MAGI3: variants seen among roughly 807,000 people sequenced by gnomAD.
The protein encoded by MAGI3 is membrane associated guanylate kinase, WW and PDZ domain containing 3, also known as membrane-associated guanylate kinase, WW and PDZ domain-containing protein 3.
Under a neutral mutation model 121.8 loss-of-function variants are expected in MAGI3, and 43 were observed. The ratio of observed to expected loss-of-function variants is 0.35; its 90% confidence interval spans 0.28 to 0.46. MAGI3 has a LOEUF of 0.46. Among genes scored for constraint, MAGI3 ranks in the 20% least tolerant of loss-of-function variants. The probability of loss-of-function intolerance (pLI) is 1.00; values close to 1 mark genes in which losing one functional copy is unlikely to be tolerated. For synonymous variants in MAGI3, 553 were observed against 639.3 expected (o/e 0.86, Z 2.04); for missense variants, 1,547 against 1,797.3 (o/e 0.86, Z 2.52).
At chr1:113,432,439 A>G (rs1377297002) in intron 1 of MAGI3, among the ~76,000 whole-genome samples, 1 of 152,156 alleles carries the variant, frequency 6.6e-6, no homozygotes, top group East Asian at 1.9e-4. Context: ...ACTATGCTAT[A>G]CTTTTTCACT....
At chr1:113,522,983 T>G (rs1658275419) in intron 1 of MAGI3, among the ~76,000 whole-genome samples, 1 of 152,206 alleles carries the variant, frequency 6.6e-6, no homozygotes, top group Non-Finnish European at 1.5e-5. Flanking sequence ...ATGTAACTAC[T>G]ACAATTCCCA....
rs758457681 is a variant in MAGI3 at position 113,683,093 on chromosome 1, T to C, written c.3525T>C (p.Asn1175=). The change falls in exon 21 of 21, where the codon AAT becomes AAC. Residue 1175 remains asparagine, a synonymous_variant. Transcript: ENST00000307546. The stretch of plus-strand genomic sequence containing the variant: ...TGCCTGAAAAGAAAAGCACTTTAAA[T>C]GAAAATCAGCCTGAGATAAAGCATC... The part of the protein sequence containing the change: ...DIVPEKKSTL[N]ENQPEIKHQS... 3.1e-5 allele frequency: 50 copies of C among 1,613,134 alleles called. No individual in the cohort carries two copies. The East Asian group carries it at 1.1e-3, about 35-fold the overall frequency.
At chr1:113,572,433 T>C (rs1647355783) in intron 2 of MAGI3, among the ~76,000 whole-genome samples, 1 of 152,216 alleles carries the variant, frequency 6.6e-6, no homozygotes, top group Admixed American at 6.5e-5. Context: ...GGAGTCCCTC[T>C]TTTTCTATTG....
At chr1:113,521,406 GT>G (rs1189784089) in intron 1 of MAGI3, among the ~76,000 whole-genome samples, 4 of 116,864 alleles carry the variant, frequency 3.4e-5, no homozygotes, top group East Asian at 8.6e-4. Flanking sequence ...GTTTTTTTTT[GT>G]TTTTTGTTTT....
rs1024398867 is a variant in MAGI3 at position 113,681,294 on chromosome 1, C to G, written c.3286C>G (p.Leu1096Val). Residue 1096 changes from leucine (L) to valine (V), a missense_variant, in exon 20 of 21, where the codon CTT becomes GTT. By Grantham distance (32) the Leu-to-Val change is conservative. Transcript: ENST00000307546. ...CATTCAGGCTGGTGGAAATAAAGTT[C>G]TTCTTCTTTTGAGGCCAGGAACTGG... ...ELIQAGGNKV[L>V]LLLRPGTGLI... 1.2e-6 allele frequency: 2 copies of G among 1,614,058 alleles called. No homozygotes were observed. The highest frequency in any genetic ancestry group is 2.2e-5 in the East Asian group (1 of 44,852).
At chr1:113,635,742 A>T (rs2101810850) in intron 9 of MAGI3, among the ~76,000 whole-genome samples, 1 of 152,316 alleles carries the variant, frequency 6.6e-6, no homozygotes, top group East Asian at 1.9e-4. Context: ...TGGCCTCATA[A>T]AATGAGTTAG....
chr1:113,585,781 G>A (rs1648331229), intron 4 of MAGI3, among the ~76,000 whole-genome samples, 185 bp downstream of exon 4: 2 of 152,170 alleles, frequency 1.3e-5, no homozygotes, highest in Admixed American at 1.3e-4. Flanking sequence ...GCTAAAGTGA[G>A]TTGTCCCAAT....
At chr1:113,576,135 A>G (rs1228342458) in intron 2 of MAGI3, among the ~76,000 whole-genome samples, 1 of 152,108 alleles carries the variant, frequency 6.6e-6, no homozygotes, top group African/African-American at 2.4e-5. Context: ...GCTCTGTGGG[A>G]GTGGGACCCA....
At chr1:113,575,792 C>G (rs1404300441) in intron 2 of MAGI3, among the ~76,000 whole-genome samples, 3 of 152,184 alleles carry the variant, frequency 2.0e-5, no homozygotes, top group Non-Finnish European at 4.4e-5. Flanking sequence ...GCACCCACAG[C>G]TGCCCCTTCC....
intron 7 of MAGI3, among the ~76,000 whole-genome samples, chr1:113,615,216 C>T (rs1298518600): frequency 6.6e-6 from 1 of 152,100 alleles, no homozygotes; most frequent in East Asian, 1.9e-4. Context: ...TGCCAGACAC[C>T]TGCCTATGTT....
chr1:113,650,119 GCTT>G (rs1371366506), intron 13 of MAGI3, among the ~76,000 whole-genome samples: 1 of 151,800 alleles, frequency 6.6e-6, no homozygotes, highest in Non-Finnish European at 1.5e-5. Flanking sequence ...AAAATTACAG[GCTT>G]CTTATTTCTG....
At chr1:113,629,557 C>T (rs1651464843) in intron 9 of MAGI3, among the ~76,000 whole-genome samples, 1 of 152,052 alleles carries the variant, frequency 6.6e-6, no homozygotes, top group Non-Finnish European at 1.5e-5. Flanking sequence ...TTTCTTTGTG[C>T]CCATCCTTGG....
At chr1:113,620,241 A>G (rs1650737432) in intron 8 of MAGI3, among the ~76,000 whole-genome samples, 1 of 152,232 alleles carries the variant, frequency 6.6e-6, no homozygotes. Context: ...TACTAAATAT[A>G]TCAAATGATT....
intron 1 of MAGI3, among the ~76,000 whole-genome samples, chr1:113,454,669 C>T (rs1232235705): frequency 5.3e-5 from 8 of 152,026 alleles, no homozygotes; most frequent in Non-Finnish European, 1.2e-4. Flanking sequence ...CGACAGGCCC[C>T]GGTGTATGAT....
intron 9 of MAGI3, among the ~76,000 whole-genome samples, chr1:113,629,763 C>CTCTCCCTCCCT (rs143631602): frequency 4.4e-5 from 2 of 45,216 alleles, no homozygotes; most frequent in East Asian, 7.9e-4. Flanking sequence ...TCTCTCTCTC[C>CTCTCCCTCCCT]CTCCCTCCCT....
intron 14 of MAGI3, among the ~76,000 whole-genome samples, chr1:113,652,232 A>T (rs554078219): frequency 4.6e-5 from 7 of 152,238 alleles, no homozygotes; most frequent in South Asian, 2.1e-4. Context: ...CTTTAAAATT[A>T]AAAAAATACA....
At chr1:113,665,198 T>C (rs1653981316) in intron 16 of MAGI3, among the ~76,000 whole-genome samples, 1 of 152,134 alleles carries the variant, frequency 6.6e-6, no homozygotes, top group Non-Finnish European at 1.5e-5. Flanking sequence ...TTTTATTTTT[T>C]ATTCTTAAGA....
At chr1:113,430,606 T>C (rs75400766) in intron 1 of MAGI3, among the ~76,000 whole-genome samples, 7,908 of 152,322 alleles carry the variant, frequency 0.052, 253 homozygotes, top group Non-Finnish European at 0.074. Context: ...AATAGAACAC[T>C]ATTGAAGTAA....
intron 12 of MAGI3, among the ~76,000 whole-genome samples, 161 bp from the exon 13 acceptor site, chr1:113,649,075 TG>T (rs1192382034): frequency 1.3e-5 from 2 of 151,422 alleles, no homozygotes; most frequent in African/African-American, 4.8e-5. Flanking sequence ...ATAGTTGAAT[TG>T]TGTGTGTGTG....
Sources: allele counts gnomAD v4.1 joint callset (sites outside exome capture counted in the v4.1 genomes callset), GRCh38; gene constraint gnomAD v4.1.1; transcripts MANE v1.5; gene names NCBI Gene and HGNC (gene_info 2026-07-23, HGNC 2026-07-21).